WIPF2: variants seen among roughly 807,000 people sequenced by gnomAD.
WIPF2 encodes the protein WAS/WASL interacting protein family member 2, also known as WAS/WASL-interacting protein family member 2.
A neutral mutation model predicts 38.8 loss-of-function variants in WIPF2; 23 were observed. The observed-to-expected ratio is 0.59, with a 90% confidence interval of 0.43 to 0.84. The LOEUF (loss-of-function observed/expected upper bound fraction) is 0.84. WIPF2 is among the 40% of genes least tolerant of loss of function. The pLI, the probability that WIPF2 is intolerant of heterozygous loss-of-function variation, is 0.00. For missense variants in WIPF2, 574 were observed against 580.5 expected (o/e 0.99, Z 0.11); for synonymous variants, 210 against 223.2 (o/e 0.94, Z 0.53).
At chr17:40,249,578 C>T (rs1030608314) in intron 1 of WIPF2, among the ~76,000 whole-genome samples, 3 of 150,726 alleles carry the variant, frequency 2.0e-5, no homozygotes, top group African/African-American at 4.9e-5. Context: ...CTCAGCCTCC[C>T]GAGTAGCTGG....
chr17:40,247,510 C>T (rs770887153), intron 1 of WIPF2, among the ~76,000 whole-genome samples: 19 of 149,508 alleles, frequency 1.3e-4, no homozygotes, highest in Admixed American at 6.7e-4. Context: ...TGAGCCAACG[C>T]GCCTGGCCTT....
intron 5 of WIPF2, among the ~76,000 whole-genome samples, chr17:40,270,381 AAAG>A (rs1437896911): frequency 5.3e-5 from 8 of 151,826 alleles, no homozygotes; most frequent in Non-Finnish European, 8.8e-5. Flanking sequence ...AAAAAAAAAA[AAAG>A]AAAAATAACT....
rs1416550556 is a variant in WIPF2, at chr17:40,279,458, T to A, written c.*1233T>A. 1 of 152,676 alleles carries A rather than the reference T, an allele frequency of 6.5e-6. No individual in the cohort carries two copies. The highest frequency in any genetic ancestry group is 1.9e-4 in the East Asian group (1 of 5,200). 9.5% of individuals were successfully genotyped at this position (152,676 alleles called of 1,614,324 possible). ...AAGTGAGCAGAGGCTTATGAAGATA[T>A]TCAGATACTCTTCTATGCCAGGAAG... is the stretch of plus-strand genomic sequence containing the variant. On this transcript the variant is annotated 3_prime_UTR_variant, in exon 8 of 8. Coordinates refer to ENST00000323571, the MANE Select transcript of WIPF2 (RefSeq NM_133264.5).
In WIPF2 at chr17:40,219,362, G is replaced by GGGC. The variant is rs1555557727; in HGVS notation, c.-197_-195dup. The GGGC allele has an allele frequency of 2.1e-5, 8 of 378,384 alleles. No homozygotes were observed. Among genetic ancestry groups the GGGC allele is most frequent in the African/African-American group, 1.4e-4 (6 of 41,626 alleles). 23.4% of individuals were successfully genotyped at this position (378,384 alleles called of 1,614,324 possible). A position where few individuals can be genotyped will look rare whatever the true frequency, so the allele number is the denominator to read the frequency against. On this transcript the variant is annotated 5_prime_UTR_variant, in exon 1 of 8. Coordinates refer to ENST00000323571, the MANE Select transcript of WIPF2 (RefSeq NM_133264.5). ...AGATCCATTTCCGGGTTGGCAAAAG[G>GGGC]GGCGGTGGCGGCGGCGGCGGCGGCG...
At chr17:40,235,758 A>C (rs2030944336) in intron 1 of WIPF2, among the ~76,000 whole-genome samples, 1 of 151,376 alleles carries the variant, frequency 6.6e-6, no homozygotes, top group Non-Finnish European at 1.5e-5. Context: ...TTTTTAGTAG[A>C]GAACGGGTTT....
At chr17:40,257,841 T>C (rs540616792) in intron 2 of WIPF2, among the ~76,000 whole-genome samples, 6 of 152,016 alleles carry the variant, frequency 3.9e-5, no homozygotes, top group African/African-American at 9.7e-5. Flanking sequence ...GAATAGGCCA[T>C]GGGTGTGTGT....
At chr17:40,247,790 G>C (rs2031421577) in intron 1 of WIPF2, among the ~76,000 whole-genome samples, 1 of 152,046 alleles carries the variant, frequency 6.6e-6, no homozygotes, top group Admixed American at 6.6e-5. Context: ...TCAAATGCTG[G>C]GATTATAGGC....
intron 5 of WIPF2, among the ~76,000 whole-genome samples, chr17:40,267,317 A>G (rs774051148): frequency 6.6e-6 from 1 of 152,142 alleles, no homozygotes; most frequent in Non-Finnish European, 1.5e-5. Context: ...AGTGATTGCA[A>G]TAATGGAGCC....
intron 4 of WIPF2, 142 bp downstream of exon 4, chr17:40,262,783 A>G (rs1252937722): frequency 3.0e-6 from 2 of 658,090 alleles, no homozygotes; most frequent in Non-Finnish European, 5.4e-6. Flanking sequence ...AGAATAGAAT[A>G]CAGCAAAAGC....
intron 1 of WIPF2, among the ~76,000 whole-genome samples, chr17:40,239,694 T>TC (rs1171372687): frequency 7.0e-6 from 1 of 143,386 alleles, no homozygotes; most frequent in East Asian, 2.0e-4. Flanking sequence ...AGCTTTTCTT[T>TC]TTTTTTTTTT....
chr17:40,242,866 C>CTGTA (rs758186645), intron 1 of WIPF2, among the ~76,000 whole-genome samples: 4 of 152,218 alleles, frequency 2.6e-5, no homozygotes, highest in Non-Finnish European at 4.4e-5. Context: ...TCTCCCAGTG[C>CTGTA]TGTACTTCAG....
Position 40,256,436 on chromosome 17 carries a change from G to T in WIPF2, c.-24G>T, listed in dbSNP as rs377721266. ...TACAAATAAAGACGGAGAGAGAACA[G>T]TGCCAACTGGGAGCAGGGCAAGAAT... On this transcript the variant is annotated 5_prime_UTR_variant, in exon 2 of 8. Coordinates refer to ENST00000323571, the MANE Select transcript of WIPF2 (RefSeq NM_133264.5). The T allele has an allele frequency of 6.2e-7, 1 of 1,605,482 alleles. No individual in the cohort carries two copies. Among genetic ancestry groups the T allele is most frequent in the Non-Finnish European group, 8.5e-7 (1 of 1,177,132 alleles).
rs759946301 is a variant in WIPF2 at position 40,264,499 on chromosome 17, C to A, written c.323C>A (p.Ala108Asp). The A allele has an allele frequency of 7.4e-6, 12 of 1,614,110 alleles. No individual in the cohort carries two copies. In the South Asian group the frequency reaches 1.3e-4, roughly 18 times the overall value. The change falls in exon 5 of 8, where the codon GCT (alanine) becomes GAT (aspartate). Residue 108 changes from alanine (A) to aspartate (D), a missense_variant. Ala to Asp is a moderately radical substitution (Grantham distance 126). Transcript: ENST00000323571. ...VGAKDGSENL[A>D]GKPALQIPSS... ...GTCTATGTATTTGTAGAGAACCTAGCTGGTAAGCCAGCCCTGCAAATCCCC... is the reference window on the plus strand; with the variant it reads ...GTCTATGTATTTGTAGAGAACCTAGATGGTAAGCCAGCCCTGCAAATCCCC...
At chr17:40,275,966 T>A (rs901223648) in intron 6 of WIPF2, among the ~76,000 whole-genome samples, 2 of 152,152 alleles carry the variant, frequency 1.3e-5, no homozygotes, top group East Asian at 1.9e-4. Context: ...TAAAGATATA[T>A]CCTTATTGTA....
At chr17:40,244,286 G>A (rs532500403) in intron 1 of WIPF2, among the ~76,000 whole-genome samples, 73 of 152,206 alleles carry the variant, frequency 4.8e-4, no homozygotes, top group African/African-American at 9.4e-4. Flanking sequence ...GGTTCCTGCC[G>A]TTGTTGGCTC....
rs934595246 is a variant in WIPF2, at chr17:40,231,952, T to A, written c.-70+12460T>A. Among the ~76,000 whole-genome samples, 20 of 150,150 alleles carry A rather than the reference T, an allele frequency of 1.3e-4. No homozygotes were observed. The South Asian group carries it at 2.3e-3, about 17-fold the overall frequency. The stretch of plus-strand genomic sequence containing the variant: ...TTTTCTTTCTTTTTTTTTTTTTTTT[T>A]AGCAGTTAGTGGCATTACATTGAAA... On this transcript the variant is annotated intron_variant, in intron 1 of 7. Coordinates refer to ENST00000323571, the MANE Select transcript of WIPF2 (RefSeq NM_133264.5).
At chr17:40,264,387 T>C in intron 4 of WIPF2, 103 bp from the exon 5 acceptor site, 5 of 876,366 alleles carry the variant, frequency 5.7e-6, no homozygotes, top group Non-Finnish European at 9.1e-6. Flanking sequence ...TTCAATTCCT[T>C]TCCCTGCTGC....
In WIPF2 at chr17:40,232,179, A is replaced by ATTT. The variant is rs752876006; in HGVS notation, c.-70+12713_-70+12715dup. On this transcript the variant is annotated intron_variant, in intron 1 of 7. Transcript: ENST00000323571. ...AGGCACATGCCACCATGCCTGGCTA[A>ATTT]TTTTTTTTTTTTTTTTTTTTTTTTT... is the stretch of plus-strand genomic sequence containing the variant. Among the ~76,000 whole-genome samples, 133 of 76,052 alleles carry ATTT rather than the reference A, an allele frequency of 1.7e-3. 9 individuals are homozygous for ATTT. Among genetic ancestry groups the ATTT allele is most frequent in the East Asian group, 5.7e-3 (12 of 2,118 alleles). The allele number at this position is 76,052 out of a possible 152,430, so 49.9% of individuals were successfully genotyped here.
intron 1 of WIPF2, among the ~76,000 whole-genome samples, chr17:40,245,279 G>C (rs972059738): frequency 6.6e-6 from 1 of 151,614 alleles, no homozygotes; most frequent in East Asian, 1.9e-4. Context: ...GTAGACGCTT[G>C]TCTTGCTCAT....
Sources: gnomAD v4.1 joint callset for allele counts (sites outside exome capture counted in the v4.1 genomes callset) on GRCh38, gnomAD v4.1.1 for gene constraint, MANE v1.5 for transcripts, NCBI Gene and HGNC (gene_info 2026-07-23, HGNC 2026-07-21) for gene names.